Variants in NEK11 observed in about 807,000 individuals in gnomAD.
NEK11 encodes NIMA related kinase 11, also known as serine/threonine-protein kinase Nek11.
In NEK11, 72 loss-of-function variants were observed where a neutral mutation model predicts 80.7. The ratio of observed to expected loss-of-function variants is 0.89; its 90% CI spans 0.74 to 1.08. NEK11 has a LOEUF of 1.08. NEK11 is among the 50% of genes least tolerant of loss of function. The pLI is 0.00. For missense variants in NEK11, 764 were observed against 763.6 expected (o/e 1.00, Z -0.01); for synonymous variants, 251 against 260.7 (o/e 0.96, Z 0.36).
At chr3:131,077,568 G>T (rs1289009992) in intron 3 of NEK11, among the ~76,000 whole-genome samples, 1 of 152,164 alleles carries the variant, frequency 6.6e-6, no homozygotes, top group African/African-American at 2.4e-5. Context: ...GTTGGTGTTT[G>T]CAAGGAAAAA....
At chr3:131,270,155 A>G (rs1017970833) in intron 16 of NEK11, among the ~76,000 whole-genome samples, 2 of 152,224 alleles carry the variant, frequency 1.3e-5, no homozygotes, top group African/African-American at 4.8e-5. Flanking sequence ...GGAGAATGAC[A>G]TTAAATACCC....
intron 3 of NEK11, among the ~76,000 whole-genome samples, chr3:131,054,876 A>T (rs542498791): frequency 6.6e-6 from 1 of 152,332 alleles, no homozygotes; most frequent in East Asian, 1.9e-4. Context: ...GTTGTACCTT[A>T]GTTGGTGAAA....
At chr3:131,184,793 T>C in intron 14 of NEK11, 1 of 954,146 alleles carries the variant, frequency 1.0e-6, no homozygotes, top group Non-Finnish European at 1.4e-6. Context: ...CCATGCATAC[T>C]TTTTGAGTCC....
intron 17 of NEK11, among the ~76,000 whole-genome samples, chr3:131,284,154 T>C (rs2096440662): frequency 6.6e-6 from 1 of 152,196 alleles, no homozygotes; most frequent in African/African-American, 2.4e-5. Flanking sequence ...CCATCTCTTA[T>C]AAAGGAGTGA....
At chr3:131,155,008 G>T in intron 9 of NEK11, 28 bp from the exon 10 acceptor site, 1 of 1,353,024 alleles carries the variant, frequency 7.4e-7, no homozygotes. Context: ...GAGCCTTTAA[G>T]ATATGTCAGG....
chr3:131,141,078 G>C (rs1481570966), intron 7 of NEK11, among the ~76,000 whole-genome samples: 1 of 151,974 alleles, frequency 6.6e-6, no homozygotes, highest in Non-Finnish European at 1.5e-5. Flanking sequence ...GTAAATTAGG[G>C]CTTCTCCTCC....
chr3:131,096,997 G>A (rs1261943945), intron 4 of NEK11, among the ~76,000 whole-genome samples: 1 of 149,298 alleles, frequency 6.7e-6, no homozygotes, highest in Non-Finnish European at 1.5e-5. Flanking sequence ...TTGGTGTTTT[G>A]TCCTTGCGAT....
intron 14 of NEK11, among the ~76,000 whole-genome samples, chr3:131,181,328 G>A (rs1304192358): frequency 6.6e-6 from 1 of 152,178 alleles, no homozygotes; most frequent in South Asian, 2.1e-4. Context: ...ACCTTTAGAA[G>A]CTAGAAAAGG....
Position 131,117,030 on chromosome 3 carries a change from T to C in NEK11, c.455+7109T>C, listed in dbSNP as rs191369289. On this transcript the variant is annotated intron_variant, in intron 5 of 17. Transcript: ENST00000383366. ...CTTTTGTTGCCATTGCTTTTGGTGT[T>C]TTAGTCATGAAGTCCTTGCACATGC... is the stretch of plus-strand genomic sequence containing the variant. Among the ~76,000 whole-genome samples, 244 of 152,344 alleles carry C rather than the reference T, an allele frequency of 1.6e-3. 1 individual carries two copies. Among genetic ancestry groups the C allele is most frequent in the African/African-American group, 5.6e-3 (233 of 41,564 alleles).
At chr3:131,302,384 C>T (rs1453262127) in intron 17 of NEK11, among the ~76,000 whole-genome samples, 1 of 151,942 alleles carries the variant, frequency 6.6e-6, no homozygotes, top group Admixed American at 6.6e-5. Context: ...TTGGTTAGTT[C>T]TTGTCTTCAG....
chr3:131,312,790 A>AAATT (rs1581780139), intron 17 of NEK11, among the ~76,000 whole-genome samples: 1 of 152,140 alleles, frequency 6.6e-6, no homozygotes, highest in African/African-American at 2.4e-5. Flanking sequence ...GGAAGGCTAA[A>AAATT]AATTAGAGGT....
intron 14 of NEK11, among the ~76,000 whole-genome samples, chr3:131,228,303 G>C (rs116673522): frequency 1.3e-5 from 2 of 152,030 alleles, no homozygotes; most frequent in African/African-American, 4.8e-5. Context: ...ACCTTCAAAC[G>C]GTAGTTGCTA....
intron 14 of NEK11, among the ~76,000 whole-genome samples, chr3:131,180,440 TG>T (rs1225052460): frequency 2.0e-5 from 3 of 152,212 alleles, no homozygotes; most frequent in Admixed American, 6.5e-5. Context: ...TATATTGACT[TG>T]TACCAAAATG....
chr3:131,099,507 G>A (rs966179853), intron 4 of NEK11, among the ~76,000 whole-genome samples: 3 of 152,016 alleles, frequency 2.0e-5, no homozygotes, highest in South Asian at 4.2e-4. Context: ...TGTGAAGAAT[G>A]ATGCTGGTAG....
intron 16 of NEK11, among the ~76,000 whole-genome samples, chr3:131,269,572 A>G (rs1446726770): frequency 6.6e-6 from 1 of 152,182 alleles, no homozygotes; most frequent in African/African-American, 2.4e-5. Context: ...TTGTCTAACC[A>G]GTCCCAATGA....
In NEK11 at chr3:131,231,304, G is replaced by T. The variant is rs72989895; in HGVS notation, c.1560+2616G>T. 5.1e-3 allele frequency among the ~76,000 whole-genome samples: 762 copies of T among 150,558 alleles called. 6 individuals are homozygous for T. Among genetic ancestry groups the T allele is most frequent in the African/African-American group, 0.018 (733 of 40,980 alleles). The stretch of plus-strand genomic sequence containing the variant: ...CTAATTGAGGAAAGTTAGTTTCTGA[G>T]AGAGGTGTAGCCTTCCTGCGGTCAC... On this transcript the variant is annotated intron_variant, in intron 15 of 17. Transcript: ENST00000383366.
At chr3:131,280,093 GA>G (rs1353716478) in intron 17 of NEK11, among the ~76,000 whole-genome samples, 1 of 152,168 alleles carries the variant, frequency 6.6e-6, no homozygotes, top group Non-Finnish European at 1.5e-5. Flanking sequence ...CTCAATAATG[GA>G]AAAGGCCTGA....
At chr3:131,248,216 T>C (rs2095637990) in intron 16 of NEK11, among the ~76,000 whole-genome samples, 1 of 152,138 alleles carries the variant, frequency 6.6e-6, no homozygotes, top group African/African-American at 2.4e-5. Context: ...CAGTATGATG[T>C]TGGCTGTAGA....
At chr3:131,100,318 C>T (rs2078175303) in intron 4 of NEK11, among the ~76,000 whole-genome samples, 1 of 152,100 alleles carries the variant, frequency 6.6e-6, no homozygotes, top group Admixed American at 6.5e-5. Flanking sequence ...CTACTTGGGC[C>T]AGGCATGATG....
Sources: gnomAD v4.1 joint callset for allele counts (sites outside exome capture counted in the v4.1 genomes callset) on GRCh38, gnomAD v4.1.1 for gene constraint, MANE v1.5 for transcripts, NCBI Gene and HGNC (gene_info 2026-07-23, HGNC 2026-07-21) for gene names.